The following CRIM1 variants were observed in gnomAD, a reference collection of about 807,000 sequenced individuals.
The protein encoded by CRIM1 is cysteine rich transmembrane BMP regulator 1.
CRIM1 carries 32 observed loss-of-function variants against 116.4 expected under a neutral mutation model. The observed-to-expected ratio is 0.27, with a 90% CI of 0.21 to 0.37. The LOEUF is 0.37. Ranked by LOEUF, CRIM1 falls within the 10% of genes least tolerant of loss-of-function variation. The pLI is 1.00. For missense variants in CRIM1, 1,331 were observed against 1,354.8 expected (o/e 0.98, Z 0.28); for synonymous variants, 590 against 509.2 (o/e 1.16, Z -2.13).
chr2:36,442,935 C>A (rs77008045), intron 4 of CRIM1, among the ~76,000 whole-genome samples, 200 bp downstream of exon 4: 1 of 152,084 alleles, frequency 6.6e-6, no homozygotes, highest in Non-Finnish European at 1.5e-5. Flanking sequence ...CAGGTTAAGT[C>A]GTTAAACCTT....
At chr2:36,511,586 G>A (rs548821444) in intron 9 of CRIM1, among the ~76,000 whole-genome samples, 28 of 152,222 alleles carry the variant, frequency 1.8e-4, no homozygotes, top group South Asian at 1.5e-3. Flanking sequence ...AAATCCAACC[G>A]TCATGTTGGA....
rs1325385157 is a variant in CRIM1 at position 36,548,664 on chromosome 2, A to C, written c.3074A>C (p.Asn1025Thr). Residue 1025 changes from asparagine (N) to threonine (T), a missense_variant, in exon 17 of 17, where the codon AAC becomes ACC. Asn to Thr is a moderately conservative substitution (Grantham distance 65, BLOSUM62 0). Coordinates refer to ENST00000280527, the MANE Select transcript of CRIM1 (RefSeq NM_016441.3). ...FSGFYSMQKQ[N>T]HLQADNFYQT... The stretch of plus-strand genomic sequence containing the variant: ...GGCTTCTACAGCATGCAAAAACAGA[A>C]CCATCTACAGGCAGACAATTTCTAC... The C allele has an allele frequency of 6.2e-7, 1 of 1,607,178 alleles. No individual in the cohort carries two copies. Among genetic ancestry groups the C allele is most frequent in the East Asian group, 2.2e-5 (1 of 44,780 alleles).
At chr2:36,363,246 A>T (rs1254624431) in intron 1 of CRIM1, among the ~76,000 whole-genome samples, 2 of 151,246 alleles carry the variant, frequency 1.3e-5, no homozygotes, top group African/African-American at 4.9e-5. Flanking sequence ...TCAAATCTGC[A>T]CTCTGCTTCT....
chr2:36,471,391 CATT>C lies in CRIM1; in HGVS notation c.992-5494_992-5492del, dbSNP rs573833873. Among the ~76,000 whole-genome samples, 440 of 152,236 alleles carry C rather than the reference CATT, an allele frequency of 2.9e-3. 5 individuals are homozygous for C. Among genetic ancestry groups the C allele is most frequent in the African/African-American group, 0.01 (420 of 41,546 alleles). On this transcript the variant is annotated intron_variant, in intron 5 of 16. Transcript: ENST00000280527. The stretch of plus-strand genomic sequence containing the variant: ...AAGAGTTAGTCAATGTGGCAAACTT[CATT>C]ATTGTGTTATTTAAAGAAATTGCCA...
intron 2 of CRIM1, among the ~76,000 whole-genome samples, chr2:36,429,086 A>G (rs1674675227): frequency 6.6e-6 from 1 of 152,326 alleles, no homozygotes; most frequent in East Asian, 1.9e-4. Flanking sequence ...TAGGGATTGA[A>G]TGGGCAAAAA....
chr2:36,399,667 A>G (rs1162358948), intron 2 of CRIM1, among the ~76,000 whole-genome samples: 2 of 152,252 alleles, frequency 1.3e-5, no homozygotes, highest in Non-Finnish European at 2.9e-5. Flanking sequence ...AGGAGATACT[A>G]CAGCATGTTT....
Position 36,508,596 on chromosome 2 carries a change from T to C in CRIM1, c.1502-1387T>C, listed in dbSNP as rs572075229. 5.1e-4 allele frequency among the ~76,000 whole-genome samples: 77 copies of C among 152,358 alleles called. No homozygotes were observed. The Middle Eastern group carries it at 0.027, about 54-fold the overall frequency. ...GAACAATATTCAAACATTGCTGTAC[T>C]TTGGCCATCACCATATTAACTTCCC... On this transcript the variant is annotated intron_variant, in intron 8 of 16. Transcript: ENST00000280527.
At chr2:36,450,741 C>T (rs997561015) in intron 4 of CRIM1, among the ~76,000 whole-genome samples, 10 of 152,156 alleles carry the variant, frequency 6.6e-5, no homozygotes, top group Admixed American at 4.6e-4. Context: ...ATGACCAGAG[C>T]GAAGGTCATC....
intron 7 of CRIM1, among the ~76,000 whole-genome samples, chr2:36,496,447 T>G (rs1680598896): frequency 6.6e-6 from 1 of 152,192 alleles, no homozygotes; most frequent in South Asian, 2.1e-4. Context: ...CCTGTTTCTT[T>G]CATCTAATAT....
Position 36,513,675 on chromosome 2 carries a change from G to A in CRIM1, c.1900G>A (p.Gly634Arg), listed in dbSNP as rs1414424705. 4 of 1,614,088 alleles carry A rather than the reference G, an allele frequency of 2.5e-6. No individual in the cohort carries two copies. Among genetic ancestry groups the A allele is most frequent in the Non-Finnish European group, 3.4e-6 (4 of 1,180,038 alleles). ...GTGCCGGGAATGCTACTGTCTCAAT[G>A]GACGGGAAATGTGTGCCCTGATCAC... The part of the protein sequence containing the change: ...DGCRECYCLN[G>R]REMCALITCP... The change falls in exon 11 of 17, where the codon GGA becomes AGA. Residue 634 changes from glycine (G) to arginine (R), a missense_variant. By Grantham distance (125) the Gly-to-Arg change is moderately radical (BLOSUM62 -2). Around this residue, in one of 3 missense-constraint regions of CRIM1, gnomAD observed 358 missense variants for 436.1 expected, o/e 0.82. Transcript: ENST00000280527.
chr2:36,534,749 GAAA>G (rs143799818), intron 13 of CRIM1, among the ~76,000 whole-genome samples: 5 of 144,726 alleles, frequency 3.5e-5, no homozygotes, highest in African/African-American at 1.0e-4. Context: ...AGGAAGGAAA[GAAA>G]AAAAAAAGAA....
At chr2:36,510,641 G>A (rs1523785) in intron 9 of CRIM1, among the ~76,000 whole-genome samples, 44,549 of 151,824 alleles carry the variant, frequency 0.29, 6,657 homozygotes, top group Middle Eastern at 0.43. Flanking sequence ...TTTATCTAGC[G>A]TTAGATTTTT....
rs138865946 is a variant in CRIM1, at chr2:36,494,483, A to G, written c.1373-4736A>G. Among the ~76,000 whole-genome samples the G allele has an allele frequency of 2.6e-3, 395 of 152,292 alleles. 1 individual carries two copies. The highest frequency in any genetic ancestry group is 8.8e-3 in the African/African-American group (364 of 41,574). On this transcript the variant is annotated intron_variant, in intron 7 of 16. Coordinates refer to ENST00000280527, the MANE Select transcript of CRIM1 (RefSeq NM_016441.3). ...TGCACGTTAGAAGATATTTTCTTTC[A>G]AAATTTTGTTTTCTAAGACTTGGGA...
chr2:36,430,191 G>C (rs1292659355), intron 2 of CRIM1, among the ~76,000 whole-genome samples: 1 of 152,198 alleles, frequency 6.6e-6, no homozygotes, highest in African/African-American at 2.4e-5. Flanking sequence ...GATGAACAGG[G>C]AGTACTTTTT....
chr2:36,511,680 A>G (rs567347006), intron 9 of CRIM1, among the ~76,000 whole-genome samples: 76 of 152,320 alleles, frequency 5.0e-4, no homozygotes, highest in African/African-American at 1.7e-3. Context: ...ACCTTGGACA[A>G]CTGAATATTA....
chr2:36,414,434 A>G (rs1471037313), intron 2 of CRIM1, among the ~76,000 whole-genome samples: 1 of 152,196 alleles, frequency 6.6e-6, no homozygotes, highest in African/African-American at 2.4e-5. Context: ...ACAAATATTT[A>G]TTGAGCGCCT....
intron 3 of CRIM1, 53 bp downstream of exon 3, chr2:36,441,553 A>G (rs1675827591): frequency 2.5e-6 from 4 of 1,588,720 alleles, no homozygotes; most frequent in East Asian, 2.2e-5. Context: ...AGAGGGTAGC[A>G]GATCCCTCCT....
chr2:36,425,734 T>TAA (rs1674398008), intron 2 of CRIM1, among the ~76,000 whole-genome samples: 1 of 152,172 alleles, frequency 6.6e-6, no homozygotes, highest in South Asian at 2.1e-4. Flanking sequence ...GATGCATTCT[T>TAA]AAGTGGGTAA....
chr2:36,432,609 T>C (rs1172362484), intron 2 of CRIM1, among the ~76,000 whole-genome samples: 1 of 152,130 alleles, frequency 6.6e-6, no homozygotes, highest in Non-Finnish European at 1.5e-5. Flanking sequence ...TCTGAACTTT[T>C]TTCCTTCCTC....
Sources: allele counts gnomAD v4.1 joint callset (sites outside exome capture counted in the v4.1 genomes callset), GRCh38; gene constraint gnomAD v4.1.1; regional missense constraint gnomAD v4.1.1; transcripts MANE v1.5; gene names NCBI Gene and HGNC (gene_info 2026-07-23, HGNC 2026-07-21).